DOCK1: variants seen among roughly 807,000 people sequenced by gnomAD.
DOCK1 encodes the protein dedicator of cytokinesis 1, also known as dedicator of cytokinesis protein 1.
A neutral mutation model predicts 262.7 loss-of-function variants in DOCK1; 138 were observed. The observed-to-expected ratio is 0.53, with a 90% CI of 0.46 to 0.61. The LOEUF is 0.61. Ranked by LOEUF, DOCK1 falls within the 20% of genes least tolerant of loss-of-function variation. The probability of loss-of-function intolerance (pLI) is 0.00; values close to 1 mark genes in which losing one functional copy is unlikely to be tolerated. For synonymous variants in DOCK1, 866 were observed against 867.4 expected (o/e 1.00, Z 0.03); for missense variants, 1,908 against 2,370.7 (o/e 0.80, Z 4.05).
intron 19 of DOCK1, among the ~76,000 whole-genome samples, chr10:127,039,119 T>C (rs546253250): frequency 5.4e-4 from 83 of 152,342 alleles, no homozygotes; most frequent in Admixed American, 1.8e-3. Flanking sequence ...TCAATTAATT[T>C]GGTCGCACCA....
intron 42 of DOCK1, among the ~76,000 whole-genome samples, chr10:127,410,151 G>T (rs1423986233): frequency 1.3e-5 from 2 of 152,096 alleles, no homozygotes; most frequent in East Asian, 3.9e-4. Flanking sequence ...TCGTTTCTTT[G>T]ACCTTGCATC....
intron 29 of DOCK1, among the ~76,000 whole-genome samples, chr10:127,276,187 G>A (rs769360122): frequency 3.9e-5 from 6 of 152,260 alleles, no homozygotes; most frequent in Admixed American, 1.3e-4. Context: ...ACATGCTTGC[G>A]TCATGGCTGG....
intron 20 of DOCK1, 52 bp from the exon 21 acceptor site, chr10:127,043,012 A>G (rs1241287198): frequency 7.2e-7 from 1 of 1,390,144 alleles, no homozygotes; most frequent in Non-Finnish European, 1.0e-6. Flanking sequence ...TGAAGATTAT[A>G]AAATGGCTTA....
chr10:127,201,617 T>C (rs756809050), intron 27 of DOCK1, among the ~76,000 whole-genome samples: 1 of 152,184 alleles, frequency 6.6e-6, no homozygotes, highest in Non-Finnish European at 1.5e-5. Context: ...TTTTTTCTAA[T>C]GCTCCCTGCA....
chr10:127,237,254 G>A (rs1339794294), intron 27 of DOCK1, among the ~76,000 whole-genome samples: 1 of 151,670 alleles, frequency 6.6e-6, no homozygotes, highest in Non-Finnish European at 1.5e-5. Flanking sequence ...CAGCTACTTG[G>A]GAGGCTGAGG....
rs184891584 is a variant in DOCK1 at position 127,056,578 on chromosome 10, C to T, written c.2336+3763C>T. Among the ~76,000 whole-genome samples the T allele has an allele frequency of 5.3e-5, 8 of 152,216 alleles. No individual in the cohort carries two copies. The East Asian group carries it at 1.2e-3, about 22-fold the overall frequency. ...TTCCCTAGCTTCTTCCTTCTCTCCT[C>T]GCTTCGTTCTTTCCTCTCTCCTTCC... On this transcript the variant is annotated intron_variant, in intron 22 of 51. Transcript: ENST00000623213.
intron 16 of DOCK1, among the ~76,000 whole-genome samples, chr10:127,029,874 G>A (rs1016643984): frequency 2.0e-5 from 3 of 151,606 alleles, no homozygotes; most frequent in South Asian, 2.1e-4. Context: ...TTTTGTTGCC[G>A]TTGTTTCCAA....
chr10:127,091,720 G>A (rs929990732), intron 23 of DOCK1, among the ~76,000 whole-genome samples: 2 of 152,158 alleles, frequency 1.3e-5, no homozygotes, highest in African/African-American at 4.8e-5. Flanking sequence ...TCAAAATGCA[G>A]CATTCGTAAT....
Position 126,987,559 on chromosome 10 carries a change from T to A in DOCK1, c.266T>A (p.Ile89Asn). 1 of 1,580,660 alleles carries A rather than the reference T, an allele frequency of 6.3e-7. No individual in the cohort carries two copies. The change falls in exon 5 of 52, where the codon ATC becomes AAC. Residue 89 changes from isoleucine (I) to asparagine (N), a missense_variant. By Grantham distance (149) the Ile-to-Asn change is moderately radical. Around this residue, in one of 9 missense-constraint regions of DOCK1, gnomAD observed 227 missense variants for 254.1 expected, o/e 0.89. Transcript: ENST00000623213. ...GTCATCCCGGGTGACCTCCCCCTCA[T>A]CCAGGAAGTCACCACGACACTCCGA... ...ETVIPGDLPL[I>N]QEVTTTLREW...
intron 27 of DOCK1, among the ~76,000 whole-genome samples, chr10:127,197,233 C>T (rs562167601): frequency 6.6e-5 from 10 of 152,252 alleles, no homozygotes; most frequent in Admixed American, 3.9e-4. Context: ...CACTCCTAGC[C>T]AGGAACCCTA....
Position 127,175,373 on chromosome 10 carries a change from A to G in DOCK1, c.2847+47609A>G. On this transcript the variant is annotated intron_variant, in intron 27 of 51. Coordinates refer to ENST00000623213, the MANE Select transcript of DOCK1 (RefSeq NM_001290223.2). This position sits in a 1 kb window ranked among gnomAD's most constrained non-coding sequence, Gnocchi z 6.3. ...CGATTCGTTGGCATTCTTCACCTGC[A>G]GCAACCGCTGTGGGACTAGGCTGGT... 6.2e-7 allele frequency: 1 copy of G among 1,614,060 alleles called. No individual in the cohort carries two copies. The highest frequency in any genetic ancestry group is 1.1e-5 in the South Asian group (1 of 91,084).
At chr10:127,091,106 C>T (rs961498393) in intron 23 of DOCK1, among the ~76,000 whole-genome samples, 2 of 151,998 alleles carry the variant, frequency 1.3e-5, no homozygotes, top group African/African-American at 2.4e-5. Context: ...CTCAGCCTCC[C>T]GAGTAGCTGG....
chr10:126,926,822 C>T (rs113345635), intron 1 of DOCK1, among the ~76,000 whole-genome samples: 1,894 of 151,980 alleles, frequency 0.012, 56 homozygotes, highest in African/African-American at 0.043. Context: ...GAGGAAGTCT[C>T]CCCCAGAGGG....
At chr10:126,966,773 GC>G (rs2037707279) in intron 1 of DOCK1, among the ~76,000 whole-genome samples, 1 of 152,096 alleles carries the variant, frequency 6.6e-6, no homozygotes, top group African/African-American at 2.4e-5. Context: ...CTCACTGTAG[GC>G]TGTTTCACAC....
Position 127,176,762 on chromosome 10 carries a change from T to C in DOCK1, c.2847+48998T>C, listed in dbSNP as rs752050224. The stretch of plus-strand genomic sequence containing the variant: ...TTTTCACACGCGTGACTCCCCTTCT[T>C]AGGCAGATGGTTTACCAAGTGCTAC... On this transcript the variant is annotated intron_variant, in intron 27 of 51. Coordinates refer to ENST00000623213, the MANE Select transcript of DOCK1 (RefSeq NM_001290223.2). The surrounding 1 kb of genome is among the most constrained non-coding windows in gnomAD (Gnocchi z 4.4). 1 of 182,116 alleles carries C rather than the reference T, an allele frequency of 5.5e-6. No individual in the cohort carries two copies. The highest frequency in any genetic ancestry group is 1.1e-5 in the Non-Finnish European group (1 of 87,480). 11.3% of individuals were successfully genotyped at this position (182,116 alleles called of 1,614,324 possible).
intron 42 of DOCK1, among the ~76,000 whole-genome samples, chr10:127,409,833 G>A (rs1439859891): frequency 6.6e-6 from 1 of 152,154 alleles, no homozygotes; most frequent in Non-Finnish European, 1.5e-5. Flanking sequence ...TTTGCTCCTG[G>A]TGACACACAG....
intron 27 of DOCK1, among the ~76,000 whole-genome samples, chr10:127,159,495 T>G (rs544601514): frequency 5.9e-5 from 9 of 152,324 alleles, no homozygotes; most frequent in Non-Finnish European, 1.2e-4. Context: ...ATACCTGAAT[T>G]TTTTTGTGTG....
Position 127,176,832 on chromosome 10 carries a change from A to T in DOCK1, c.2847+49068A>T, listed in dbSNP as rs1179258954. 1.3e-5 allele frequency: 2 copies of T among 157,872 alleles called. No homozygotes were observed. Among genetic ancestry groups the T allele is most frequent in the African/African-American group, 4.8e-5 (2 of 41,522 alleles). 9.8% of individuals were successfully genotyped at this position (157,872 alleles called of 1,614,324 possible). ...ACTATTTTTTGAGGATGACGTCATT[A>T]ATCTATTGCTGGAATCTGGGAGAGC... On this transcript the variant is annotated intron_variant, in intron 27 of 51. Coordinates refer to ENST00000623213, the MANE Select transcript of DOCK1 (RefSeq NM_001290223.2). The surrounding 1 kb of genome is among the most constrained non-coding windows in gnomAD (Gnocchi z 4.4).
At position 127,403,043 on chromosome 10, in the gene DOCK1, T is replaced by A; in HGVS notation, c.3928-12T>A. The A allele has an allele frequency of 6.2e-7, 1 of 1,603,596 alleles. No individual in the cohort carries two copies. Among genetic ancestry groups the A allele is most frequent in the Non-Finnish European group, 8.5e-7 (1 of 1,175,654 alleles). Reference sequence around the variant, plus strand: ...CTCGGCTTCTCTTTCTTTTCTTTATTTTAACTCACAGATGTGGGAGGAGGC... The same window carrying A: ...CTCGGCTTCTCTTTCTTTTCTTTATATTAACTCACAGATGTGGGAGGAGGC... On this transcript the variant is annotated splice_polypyrimidine_tract_variant and intron_variant, in intron 38 of 51. Transcript: ENST00000623213.
Sources: gnomAD v4.1 joint callset for allele counts (sites outside exome capture counted in the v4.1 genomes callset) on GRCh38, gnomAD v4.1.1 for gene constraint, gnomAD v4.1.1 regional missense constraint, Gnocchi (gnomAD v3.1) non-coding constraint, MANE v1.5 for transcripts, NCBI Gene and HGNC (gene_info 2026-07-23, HGNC 2026-07-21) for gene names.